Variants in NR2F1-AS1 observed in about 807,000 individuals in gnomAD.
NR2F1-AS1 encodes the protein NR2F1 antisense RNA 1.
intron 4 of NR2F1-AS1, among the ~76,000 whole-genome samples, chr5:93,478,125 A>G (rs1233830449): frequency 1.3e-5 from 2 of 152,226 alleles, no homozygotes; most frequent in African/African-American, 4.8e-5. Context: ...TAAGGCCTGC[A>G]GACTGCACAC....
intron 4 of NR2F1-AS1, among the ~76,000 whole-genome samples, chr5:93,462,985 G>T (rs1750131993): frequency 6.6e-6 from 1 of 152,216 alleles, no homozygotes; most frequent in African/African-American, 2.4e-5. Flanking sequence ...CCCATTTTCT[G>T]AGGAGAAATT....
intron 4 of NR2F1-AS1, among the ~76,000 whole-genome samples, chr5:93,514,748 AT>A (rs914369439): frequency 3.2e-4 from 49 of 152,196 alleles, no homozygotes; most frequent in Non-Finnish European, 6.3e-4. Context: ...TAACCAATTA[AT>A]TTTTTAGAAC....
intron 1 of NR2F1-AS1, among the ~76,000 whole-genome samples, chr5:93,573,139 G>A (rs1752814023): frequency 6.6e-6 from 1 of 152,248 alleles, no homozygotes; most frequent in Non-Finnish European, 1.5e-5. Context: ...GCGCAGAGAA[G>A]TAGTCTTCGC....
chr5:93,524,638 A>T lies in NR2F1-AS1; in HGVS notation n.638+29123T>A, dbSNP rs576326792. On this transcript the variant is annotated intron_variant and non_coding_transcript_variant, in intron 4 of 5. Coordinates refer to ENST00000660523, the Ensembl canonical transcript of NR2F1-AS1. ...TCGGGTCACCTATAAAGGGAAGCCC[A>T]TCAGACAAACAGCAGATCTCTCTGC... Among the ~76,000 whole-genome samples the T allele has an allele frequency of 2.0e-4, 30 of 152,338 alleles. No homozygotes were observed. In the East Asian group the frequency reaches 5.0e-3, roughly 25 times the overall value.
intron 4 of NR2F1-AS1, among the ~76,000 whole-genome samples, chr5:93,444,193 C>A (rs572752887): frequency 6.6e-6 from 1 of 152,278 alleles, no homozygotes; most frequent in East Asian, 1.9e-4. Context: ...CAAATTCACA[C>A]ATAACAATAT....
chr5:93,533,814 C>T (rs911294232), intron 4 of NR2F1-AS1, among the ~76,000 whole-genome samples: 6 of 152,132 alleles, frequency 3.9e-5, no homozygotes, highest in African/African-American at 1.2e-4. Flanking sequence ...TAAGCAATGT[C>T]GTTTAACTTT....
At chr5:93,561,906 C>T (rs778510518) in intron 2 of NR2F1-AS1, among the ~76,000 whole-genome samples, 54 of 152,176 alleles carry the variant, frequency 3.5e-4, no homozygotes, top group African/African-American at 1.2e-3. Context: ...TATGAATGTG[C>T]TTTTTGCTCA....
At chr5:93,443,593 T>A (rs890304969) in intron 4 of NR2F1-AS1, among the ~76,000 whole-genome samples, 3 of 152,194 alleles carry the variant, frequency 2.0e-5, no homozygotes, top group Non-Finnish European at 2.9e-5. Flanking sequence ...CTTAAAGTGA[T>A]GAGGGGAATG....
At chr5:93,533,414 C>T (rs1751773671) in intron 4 of NR2F1-AS1, among the ~76,000 whole-genome samples, 1 of 152,038 alleles carries the variant, frequency 6.6e-6, no homozygotes, top group African/African-American at 2.4e-5. Context: ...TCAGGAATAT[C>T]TACTCTCTGA....
At chr5:93,542,970 A>C (rs1751988052) in intron 4 of NR2F1-AS1, 1 of 152,362 alleles carries the variant, frequency 6.6e-6, no homozygotes, top group Non-Finnish European at 1.5e-5. Flanking sequence ...AGGAGGAAAG[A>C]AAAGAGAAAT....
At chr5:93,581,430 G>C (rs1270816761), upstream of NR2F1-AS1, 1 of 151,932 alleles carries the variant, frequency 6.6e-6, no homozygotes, top group Non-Finnish European at 1.5e-5. Context: ...GATCTTTCAA[G>C]GAAAAAAAAA....
chr5:93,442,680 T>C (rs191353394), intron 4 of NR2F1-AS1, among the ~76,000 whole-genome samples: 37 of 152,274 alleles, frequency 2.4e-4, no homozygotes, highest in African/African-American at 7.9e-4. Flanking sequence ...TCTGACAGAT[T>C]TGAAGAGAGC....
intron 4 of NR2F1-AS1, among the ~76,000 whole-genome samples, chr5:93,497,680 A>C (rs1018527110): frequency 6.6e-6 from 1 of 152,198 alleles, no homozygotes; most frequent in Non-Finnish European, 1.5e-5. Flanking sequence ...AGTATACTTA[A>C]TGTAATAAAT....
At chr5:93,499,931 C>A (rs1218373835) in intron 4 of NR2F1-AS1, among the ~76,000 whole-genome samples, 1 of 152,138 alleles carries the variant, frequency 6.6e-6, no homozygotes, top group East Asian at 1.9e-4. Context: ...CATCAAGAAT[C>A]CAATTTTCTT....
At chr5:93,434,325 T>G (rs1265607938) in intron 4 of NR2F1-AS1, among the ~76,000 whole-genome samples, 4 of 152,162 alleles carry the variant, frequency 2.6e-5, no homozygotes, top group Non-Finnish European at 5.9e-5. Flanking sequence ...TCACTTTTTG[T>G]TTTCAACTTT....
chr5:93,415,175 C>T (rs1426189322), intron 4 of NR2F1-AS1, among the ~76,000 whole-genome samples: 1 of 152,166 alleles, frequency 6.6e-6, no homozygotes, highest in Non-Finnish European at 1.5e-5. Flanking sequence ...GTTGCTGTAA[C>T]AAATACTTCT....
intron 4 of NR2F1-AS1, among the ~76,000 whole-genome samples, chr5:93,515,543 T>C (rs371807586): frequency 1.5e-3 from 228 of 152,106 alleles, no homozygotes; most frequent in African/African-American, 4.3e-3. Flanking sequence ...ATCTATCTCT[T>C]CTACTAGACT....
intron 4 of NR2F1-AS1, among the ~76,000 whole-genome samples, chr5:93,528,279 A>G (rs1351751271): frequency 6.6e-6 from 1 of 152,132 alleles, no homozygotes; most frequent in Non-Finnish European, 1.5e-5. Flanking sequence ...ATTAGAGAAA[A>G]GCAAATCAGT....
chr5:93,575,576 G>A (rs995497933), intron 1 of NR2F1-AS1, among the ~76,000 whole-genome samples: 2 of 152,162 alleles, frequency 1.3e-5, no homozygotes, highest in African/African-American at 4.8e-5. Flanking sequence ...GAAAGTAAAG[G>A]TCTTGTCTTG....
Sources: allele counts gnomAD v4.1 joint callset (sites outside exome capture counted in the v4.1 genomes callset), GRCh38; gene constraint gnomAD v4.1.1; transcripts MANE v1.5; gene names NCBI Gene and HGNC (gene_info 2026-07-23, HGNC 2026-07-21).